CCDC74A: variants seen among roughly 807,000 people sequenced by gnomAD.
CCDC74A encodes coiled-coil domain containing 74A.
A neutral mutation model predicts 37.6 loss-of-function variants in CCDC74A; 38 were observed. The observed-to-expected ratio is 1.01, with a 90% CI of 0.78 to 1.33. The LOEUF (loss-of-function observed/expected upper bound fraction) is 1.33, where lower values mean the gene tolerates loss of function less well. Among genes scored for constraint, CCDC74A ranks in the 40% most tolerant of loss-of-function variants. The probability of loss-of-function intolerance (pLI) is 0.00; values close to 1 mark genes in which losing one functional copy is unlikely to be tolerated. For synonymous variants in CCDC74A, 134 were observed against 165.2 expected (o/e 0.81, Z 1.45); for missense variants, 340 against 403.4 (o/e 0.84, Z 1.35).
In CCDC74A at chr2:131,532,700, C is replaced by A; in HGVS notation, c.597C>A (p.Pro199=). 6.2e-7 allele frequency: 1 copy of A among 1,613,636 alleles called. No homozygotes were observed. ...GAHPPMILPL[P]LRKPTTLRQC... is the part of the protein sequence containing the mutation. The stretch of plus-strand genomic sequence containing the variant: ...ACCCCCCAATGATCCTGCCCCTTCC[C>A]CTGCGAAAGCCCACCACACTTAGGC... The change falls in exon 5 of 8, where the codon CCC becomes CCA. Residue 199 remains proline, a synonymous_variant. Coordinates refer to ENST00000409856, the MANE Select transcript of CCDC74A (RefSeq NM_001258306.3).
At chr2:131,525,668 C>T (rs1680270963), upstream of CCDC74A, among the ~76,000 whole-genome samples, 1 of 151,060 alleles carries the variant, frequency 6.6e-6, no homozygotes, top group African/African-American at 2.5e-5. Context: ...CGGCCTCGGC[C>T]TCCTGAGTAG....
At chr2:131,532,983 C>G (rs199573701) in intron 6 of CCDC74A, 30 bp from the exon 7 acceptor site, 26 of 1,613,956 alleles carry the variant, frequency 1.6e-5, no homozygotes, top group Non-Finnish European at 2.2e-5. Flanking sequence ...GTCCTATCCA[C>G]AGCTCACTGC....
At chr2:131,529,255 G>A (rs773559449) in intron 1 of CCDC74A, 113 of 372,688 alleles carry the variant, frequency 3.0e-4, no homozygotes, top group African/African-American at 1.4e-3. Flanking sequence ...TTGAGCCTCA[G>A]GACGCCCAGT....
At chr2:131,530,291 G>GGCTGAC in intron 2 of CCDC74A, 1 of 1,543,208 alleles carries the variant, frequency 6.5e-7, no homozygotes, top group Non-Finnish European at 8.7e-7. Flanking sequence ...TTGGGGCTGG[G>GGCTGAC]GCTGACATCA....
chr2:131,530,264 CTCACTTCCCATTATCTT>C lies in CCDC74A; in HGVS notation c.296-511_296-495del, dbSNP rs1180048544. 4 of 1,544,782 alleles carry C rather than the reference CTCACTTCCCATTATCTT, an allele frequency of 2.6e-6. No homozygotes were observed. In the African/African-American group the frequency reaches 5.5e-5, roughly 21 times the overall value. On this transcript the variant is annotated intron_variant, in intron 2 of 7. Coordinates refer to ENST00000409856, the MANE Select transcript of CCDC74A (RefSeq NM_001258306.3). ...CAGGATCCTGGGCTGTGGTCTCAAG[CTCACTTCCCATTATCTT>C]TGGGGCTGGGGCTGACATCAGGAGG...
At position 131,533,370 on chromosome 2, in the gene CCDC74A, A is replaced by C. The variant is rs200949360; in HGVS notation, c.911A>C (p.Lys304Thr). The change falls in exon 8 of 8, where the codon AAA becomes ACA. Residue 304 changes from lysine (K) to threonine (T), a missense_variant. Lys to Thr is a moderately conservative substitution (Grantham distance 78). Transcript: ENST00000409856. Reference protein sequence around the residue: ...ERQKRLQAMQKRRLHRSVL With the variant: ...ERQKRLQAMQTRRLHRSVL Reference sequence around the variant, plus strand: ...CAGAAGAGGCTGCAGGCAATGCAGAAACGGCGCCTGCATCGCTCAGTGCTT... The same window carrying C: ...CAGAAGAGGCTGCAGGCAATGCAGACACGGCGCCTGCATCGCTCAGTGCTT... The C allele has an allele frequency of 8.1e-5, 130 of 1,613,506 alleles. 1 individual carries two copies. In the East Asian group the frequency reaches 2.9e-3, roughly 36 times the overall value.
rs527680246 is a variant in CCDC74A, at chr2:131,529,535, G to T, written c.251-112G>T. ...CCATGGGGCAGGGCCCAATCAGCCAGTGGGGGGGCAGGACTTTTGGGCTCA... is the reference window on the plus strand; with the variant it reads ...CCATGGGGCAGGGCCCAATCAGCCATTGGGGGGGCAGGACTTTTGGGCTCA... On this transcript the variant is annotated intron_variant, in intron 1 of 7. Coordinates refer to ENST00000409856, the MANE Select transcript of CCDC74A (RefSeq NM_001258306.3). The T allele has an allele frequency of 2.3e-5, 33 of 1,433,008 alleles. 1 individual carries two copies. The East Asian group carries it at 7.5e-4, about 33-fold the overall frequency. The allele number at this position is 1,433,008 out of a possible 1,614,324, so 88.8% of individuals were successfully genotyped here.
At chr2:131,524,886 CAAAAAAAAAA>C (rs57589680), upstream of CCDC74A, among the ~76,000 whole-genome samples, 63 of 98,252 alleles carry the variant, frequency 6.4e-4, no homozygotes, top group Admixed American at 2.6e-3. Flanking sequence ...CATAGTAAGA[CAAAAAAAAAA>C]AAAAAAAAAA....
chr2:131,533,567 C>T lies in CCDC74A; in HGVS notation c.*169C>T. ...TCCAAACTGACAAACTGTTTATTTT[C>T]TAGCTGTTATTTTGCTATTTGGCAT... On this transcript the variant is annotated 3_prime_UTR_variant, in exon 8 of 8. Transcript: ENST00000409856. The T allele has an allele frequency of 1.1e-6, 1 of 947,372 alleles. No individual in the cohort carries two copies. Among genetic ancestry groups the T allele is most frequent in the Non-Finnish European group, 1.5e-6 (1 of 648,796 alleles). 58.7% of individuals were successfully genotyped at this position (947,372 alleles called of 1,614,324 possible).
chr2:131,523,175 G>A (rs1213552797), upstream of CCDC74A, among the ~76,000 whole-genome samples: 23 of 152,194 alleles, frequency 1.5e-4, no homozygotes, highest in Non-Finnish European at 1.2e-4. Context: ...GAAGTGCTAG[G>A]GTTACAGGTG....
chr2:131,527,909 A>T lies in CCDC74A; in HGVS notation c.-62A>T. 1 of 1,403,576 alleles carries T rather than the reference A, an allele frequency of 7.1e-7. No individual in the cohort carries two copies. 86.9% of individuals were successfully genotyped at this position (1,403,576 alleles called of 1,614,324 possible). On this transcript the variant is annotated 5_prime_UTR_variant, in exon 1 of 8. Transcript: ENST00000409856. ...TTCCATGGTGACGGGGCGCCAGGCT[A>T]GGGCGGCCTGGCCACTGAGCCGGGG... is the stretch of plus-strand genomic sequence containing the variant.
Position 131,530,823 on chromosome 2 carries a change from T to C in CCDC74A, c.342T>C (p.Asn114=), listed in dbSNP as rs1156418436. ...SSFQSVKSIS[N]SGKARPQPGS... ...TCCAGTCTGTCAAGTCCATCTCTAA[T>C]TCAGGTGAGCAGGCTGGCGTCCATG... is the stretch of plus-strand genomic sequence containing the variant. Residue 114 remains asparagine, a synonymous_variant, in exon 3 of 8, where the codon AAT becomes AAC. Coordinates refer to ENST00000409856, the MANE Select transcript of CCDC74A (RefSeq NM_001258306.3). The C allele has an allele frequency of 1.2e-6, 2 of 1,606,918 alleles. No homozygotes were observed. Among genetic ancestry groups the C allele is most frequent in the South Asian group, 1.1e-5 (1 of 90,168 alleles).
chr2:131,532,051 AG>A lies in CCDC74A; in HGVS notation c.485+255del, dbSNP rs1245438121. 1.0e-4 allele frequency among the ~76,000 whole-genome samples: 15 copies of A among 150,570 alleles called. 1 individual carries two copies. Among genetic ancestry groups the A allele is most frequent in the Non-Finnish European group, 1.8e-4 (12 of 67,092 alleles). On this transcript the variant is annotated intron_variant, in intron 4 of 7. Coordinates refer to ENST00000409856, the MANE Select transcript of CCDC74A (RefSeq NM_001258306.3). ...GTACCTGTGCTGACCTGAGCCCACG[AG>A]GGGGGCCAGTAGCAGCCCCTAAACC...
Position 131,533,498 on chromosome 2 carries a change from A to C in CCDC74A, c.*100A>C. 2 of 1,518,410 alleles carry C rather than the reference A, an allele frequency of 1.3e-6. No homozygotes were observed. The highest frequency in any genetic ancestry group is 1.8e-6 in the Non-Finnish European group (2 of 1,121,484). The allele number at this position is 1,518,410 out of a possible 1,614,324, so 94.1% of individuals were successfully genotyped here. On this transcript the variant is annotated 3_prime_UTR_variant, in exon 8 of 8. Coordinates refer to ENST00000409856, the MANE Select transcript of CCDC74A (RefSeq NM_001258306.3). Reference sequence around the variant, plus strand: ...CTTCCGCTACTTTTAGGCCTGGCTAAATTCCAAGACAGATAACACTCAAGA... The same window carrying C: ...CTTCCGCTACTTTTAGGCCTGGCTACATTCCAAGACAGATAACACTCAAGA...
rs1559410973 is a variant in CCDC74A at position 131,529,480 on chromosome 2, C to A, written c.251-167C>A. 3 of 902,832 alleles carry A rather than the reference C, an allele frequency of 3.3e-6. No homozygotes were observed. In the South Asian group the frequency reaches 4.1e-5, roughly 12 times the overall value. 55.9% of individuals were successfully genotyped at this position (902,832 alleles called of 1,614,324 possible). ...GGCAGGGCCATTCCTGGCCTGACAC[C>A]CACGACGAAGGCGTGGTGGAGAGCG... On this transcript the variant is annotated intron_variant, in intron 1 of 7. Coordinates refer to ENST00000409856, the MANE Select transcript of CCDC74A (RefSeq NM_001258306.3).
rs911532656 is a variant in CCDC74A, at chr2:131,529,005, C to T, written c.251-642C>T. Among the ~76,000 whole-genome samples, 17 of 149,052 alleles carry T rather than the reference C, an allele frequency of 1.1e-4. No individual in the cohort carries two copies. The South Asian group carries it at 1.7e-3, about 15-fold the overall frequency. ...AACTGCACCCTTAGCTGCTCCTCACCCCCACGCCCCCCTTTCTCCCTCCCT... is the reference window on the plus strand; with the variant it reads ...AACTGCACCCTTAGCTGCTCCTCACTCCCACGCCCCCCTTTCTCCCTCCCT... On this transcript the variant is annotated intron_variant, in intron 1 of 7. Transcript: ENST00000409856.
At chr2:131,530,917 C>A in intron 3 of CCDC74A, 90 bp downstream of exon 3, 1 of 1,558,648 alleles carries the variant, frequency 6.4e-7, no homozygotes, top group Non-Finnish European at 8.7e-7. Flanking sequence ...GACCAGGCGC[C>A]CTCTGCTGGG....
At position 131,528,030 on chromosome 2, in the gene CCDC74A, TCGGCGC is replaced by T; in HGVS notation, c.68_73del (p.Arg23_Arg24del). 4 of 1,497,238 alleles carry T rather than the reference TCGGCGC, an allele frequency of 2.7e-6. No individual in the cohort carries two copies. In the South Asian group the frequency reaches 4.0e-5, roughly 15 times the overall value. 92.7% of individuals were successfully genotyped at this position (1,497,238 alleles called of 1,614,324 possible). ...CCCCCAGCTCGCCGACCCCGGGCTC[TCGGCGC>T]CGGCGCCAGCGCCCCTCTGTGGGCG... On this transcript the variant is annotated inframe_deletion, in exon 1 of 8. Transcript: ENST00000409856.
rs1680468569 is a variant in CCDC74A, at chr2:131,528,041, G to A, written c.71G>A (p.Arg24His). 11 of 1,523,038 alleles carry A rather than the reference G, an allele frequency of 7.2e-6. No homozygotes were observed. The highest frequency in any genetic ancestry group is 9.6e-6 in the Non-Finnish European group (11 of 1,140,492). The allele number at this position is 1,523,038 out of a possible 1,614,324, so 94.3% of individuals were successfully genotyped here. A position where few individuals can be genotyped will look rare whatever the true frequency, so the allele number is the denominator to read the frequency against. The change falls in exon 1 of 8, where the codon CGC (arginine) becomes CAC (histidine). Residue 24 changes from arginine (R) to histidine (H), a missense_variant. By Grantham distance (29) the Arg-to-His change is conservative (BLOSUM62 0). This residue lies in a region of CCDC74A where 154 missense variants were observed against 153.9 expected (regional missense o/e 1.00). Transcript: ENST00000409856. ...CCGACCCCGGGCTCTCGGCGCCGGC[G>A]CCAGCGCCCCTCTGTGGGCGTCCAG... ...SSPTPGSRRR[R>H]QRPSVGVQSL...
Sources: gnomAD v4.1 joint callset for allele counts (sites outside exome capture counted in the v4.1 genomes callset) on GRCh38, gnomAD v4.1.1 for gene constraint, gnomAD v4.1.1 regional missense constraint, MANE v1.5 for transcripts, NCBI Gene and HGNC (gene_info 2026-07-23, HGNC 2026-07-21) for gene names.